FXR2: variants seen among roughly 807,000 people sequenced by gnomAD.
FXR2 encodes the protein RNA-binding protein FXR2.
In FXR2, 9 loss-of-function variants were observed where a neutral mutation model predicts 87.3. The ratio of observed to expected loss-of-function variants is 0.10; its 90% CI spans 0.06 to 0.18. FXR2 has a LOEUF of 0.18. Among genes scored for constraint, FXR2 ranks in the 10% least tolerant of loss-of-function variants. FXR2 has a pLI of 1.00. For synonymous variants in FXR2, 331 were observed against 328.3 expected, an observed-to-expected ratio of 1.01 and a Z score of -0.09; for missense variants, 661 against 893.6, an observed-to-expected ratio of 0.74 and a Z score of 3.32.
In FXR2 at chr17:7,595,702, C is replaced by T; in HGVS notation, c.831+122G>A. 1 of 702,298 alleles carries T rather than the reference C, an allele frequency of 1.4e-6. No individual in the cohort carries two copies. Among genetic ancestry groups the T allele is most frequent in the South Asian group, 1.9e-5 (1 of 52,850 alleles). 43.5% of individuals were successfully genotyped at this position (702,298 alleles called of 1,614,324 possible). ...GGCTCAAGTGATCCTCTCACTTTGA[C>T]CTCCGAAGGTGCTGGGATTACAGGT... On this transcript the variant is annotated intron_variant, in intron 8 of 16. Coordinates refer to ENST00000250113, the MANE Select transcript of FXR2 (RefSeq NM_004860.4). This position sits in a 1 kb window ranked among gnomAD's most constrained non-coding sequence, Gnocchi z 4.7.
rs1305574430 is a variant in FXR2, at chr17:7,603,994, T to C, written c.300+15A>G. ...TTGTTTCAGTAGTTCTCCAAAGGCA[T>C]TCCCAGTCACTCACATCTCCCTTCA... On this transcript the variant is annotated intron_variant, in intron 4 of 16. Transcript: ENST00000250113. 8.8e-6 allele frequency: 14 copies of C among 1,598,734 alleles called. No individual in the cohort carries two copies. Among genetic ancestry groups the C allele is most frequent in the Non-Finnish European group, 1.2e-5 (14 of 1,172,712 alleles).
chr17:7,607,947 G>A (rs957121935), intron 1 of FXR2, among the ~76,000 whole-genome samples: 2 of 151,606 alleles, frequency 1.3e-5, no homozygotes, highest in African/African-American at 4.8e-5. Context: ...CATGGGCCAC[G>A]ACCCTGGCTA....
At position 7,603,864 on chromosome 17, in the gene FXR2, A is replaced by G. The variant is rs199945316; in HGVS notation, c.342T>C (p.Asn114=). 6.3e-5 allele frequency: 101 copies of G among 1,613,798 alleles called. No homozygotes were observed. The highest frequency in any genetic ancestry group is 3.3e-5 in the Admixed American group (2 of 59,986). Residue 114 remains asparagine, a synonymous_variant, in exon 5 of 17, where the codon AAT becomes AAC. Transcript: ENST00000250113. ...IEYAACDATY[N]EIVTLERLRP... is the part of the protein sequence containing the mutation. The stretch of plus-strand genomic sequence containing the variant: ...GAAGTCGCTCCAGGGTAACAATTTC[A>G]TTGTAGGTGGCATCACAGGCAGCAT...
At chr17:7,609,981 T>TATATATCTACATGCATATGTATAC (rs2071843546) in intron 1 of FXR2, among the ~76,000 whole-genome samples, 1 of 48,542 alleles carries the variant, frequency 2.1e-5, no homozygotes, top group African/African-American at 5.1e-5. Flanking sequence ...TATGTATACA[T>TATATATCTACATGCATATGTATAC]ATATATATAC....
chr17:7,593,026 G>A lies in FXR2; in HGVS notation c.1486C>T (p.Pro496Ser). ...GAATTGTATCTCGAAGTGGGCCGGGGGGCAGGTGGGGGTCCCCTACCCCGG... is the reference window on the plus strand; with the variant it reads ...GAATTGTATCTCGAAGTGGGCCGGGAGGCAGGTGGGGGTCCCCTACCCCGG... ...GGRGRGPPPA[P>S]RPTSRYNSSS... Residue 496 changes from proline (P) to serine (S), a missense_variant, in exon 13 of 17, where the codon CCC (proline) becomes TCC (serine). Around this residue, in one of 3 missense-constraint regions of FXR2, gnomAD observed 409 missense variants for 432.0 expected, o/e 0.95. Transcript: ENST00000250113. This position sits in a 1 kb window ranked among gnomAD's most constrained non-coding sequence, Gnocchi z 6.1. 1 of 1,576,962 alleles carries A rather than the reference G, an allele frequency of 6.3e-7. No homozygotes were observed. Among genetic ancestry groups the A allele is most frequent in the Non-Finnish European group, 8.6e-7 (1 of 1,164,454 alleles).
At position 7,592,789 on chromosome 17, in the gene FXR2, C is replaced by T. The variant is rs1260884806; in HGVS notation, c.1634G>A (p.Arg545His). 1.2e-5 allele frequency: 19 copies of T among 1,613,536 alleles called. No homozygotes were observed. Among genetic ancestry groups the T allele is most frequent in the East Asian group, 6.7e-5 (3 of 44,864 alleles). Residue 545 changes from arginine (R) to histidine (H), a missense_variant, in exon 14 of 17, where the codon CGC becomes CAC. Arg to His is a conservative substitution (Grantham distance 29). Coordinates refer to ENST00000250113, the MANE Select transcript of FXR2 (RefSeq NM_004860.4). The surrounding 1 kb of genome is among the most constrained non-coding windows in gnomAD (Gnocchi z 4.8). ...AGTGCGGCGGCGGCGGGAGCGGCGGCGCCTGGCACTTGCTGGGGGGGGTTC... is the reference window on the plus strand; with the variant it reads ...AGTGCGGCGGCGGCGGGAGCGGCGGTGCCTGGCACTTGCTGGGGGGGGTTC... ...PGEPPPASAR[R>H]RRSRRRRTDE...
intron 6 of FXR2, 67 bp downstream of exon 6, chr17:7,602,842 G>C: frequency 1.3e-6 from 1 of 771,418 alleles, no homozygotes; most frequent in Non-Finnish European, 2.2e-6. Context: ...TTCTGCAAAA[G>C]GGTTAAAAAG....
At position 7,594,781 on chromosome 17, in the gene FXR2, T is replaced by C. The variant is rs1041828920; in HGVS notation, c.832-24A>G. The C allele has an allele frequency of 4.7e-6, 7 of 1,488,672 alleles. No homozygotes were observed. The highest frequency in any genetic ancestry group is 6.6e-6 in the Non-Finnish European group (7 of 1,065,814). The allele number at this position is 1,488,672 out of a possible 1,614,324, so 92.2% of individuals were successfully genotyped here. A position where few individuals can be genotyped will look rare whatever the true frequency, so the allele number is the denominator to read the frequency against. On this transcript the variant is annotated intron_variant, in intron 8 of 16. Transcript: ENST00000250113. The surrounding 1 kb of genome is among the most constrained non-coding windows in gnomAD (Gnocchi z 5.1). ...GTCTAAAGGAAGAACAGCAGGGAGT[T>C]GTTACTAAAACAGAAGACCAGCTGG...
intron 1 of FXR2, among the ~76,000 whole-genome samples, chr17:7,612,381 G>A (rs1567754838): frequency 6.6e-6 from 1 of 152,134 alleles, no homozygotes. Flanking sequence ...AGACAAATGT[G>A]CTCTATCAAA....
rs1435666270 is a variant in FXR2, at chr17:7,592,227, G to A, written c.1926+27C>T. 6 of 1,556,170 alleles carry A rather than the reference G, an allele frequency of 3.9e-6. No homozygotes were observed. In the African/African-American group the frequency reaches 4.1e-5, roughly 11 times the overall value. On this transcript the variant is annotated intron_variant, in intron 16 of 16. Transcript: ENST00000250113. This position sits in a 1 kb window ranked among gnomAD's most constrained non-coding sequence, Gnocchi z 4.8. ...CCCAGAGTAACAACAAAAAAGGGAT[G>A]GGGTAAAGCACATCTTGCCTGCCTA...
chr17:7,600,108 A>G (rs1239517759), intron 7 of FXR2, among the ~76,000 whole-genome samples: 2 of 151,540 alleles, frequency 1.3e-5, no homozygotes, highest in African/African-American at 4.9e-5. Flanking sequence ...CATGTTGGCC[A>G]GGCTGGTCTT....
In FXR2 at chr17:7,592,911, G is replaced by A; in HGVS notation, c.1529-17C>T. ...CCTTCAGCACTGGTCAGAGGAAGAA[G>A]AGGAGGAGTTGGCAGTCAGGTGCCC... On this transcript the variant is annotated splice_polypyrimidine_tract_variant and intron_variant, in intron 13 of 16. Transcript: ENST00000250113. The surrounding 1 kb of genome is among the most constrained non-coding windows in gnomAD (Gnocchi z 4.8). 1.3e-6 allele frequency: 2 copies of A among 1,556,010 alleles called. No individual in the cohort carries two copies. Among genetic ancestry groups the A allele is most frequent in the Non-Finnish European group, 1.7e-6 (2 of 1,150,992 alleles).
At chr17:7,603,104 T>C in intron 5 of FXR2, 102 bp from the exon 6 acceptor site, 1 of 645,130 alleles carries the variant, frequency 1.6e-6, no homozygotes. Flanking sequence ...CCTAGCACTT[T>C]GGGAGGCTAG....
Position 7,595,608 on chromosome 17 carries a change from C to T in FXR2, c.831+216G>A, listed in dbSNP as rs1019261275. Among the ~76,000 whole-genome samples the T allele has an allele frequency of 6.6e-6, 1 of 152,048 alleles. No individual in the cohort carries two copies. Among genetic ancestry groups the T allele is most frequent in the African/African-American group, 2.4e-5 (1 of 41,386 alleles). On this transcript the variant is annotated intron_variant, in intron 8 of 16. Coordinates refer to ENST00000250113, the MANE Select transcript of FXR2 (RefSeq NM_004860.4). This position sits in a 1 kb window ranked among gnomAD's most constrained non-coding sequence, Gnocchi z 4.7. ...CGACTACAGGTACGCACCACTACTTCCAGCTAATTTTTAAATTTTTGTAGA... is the reference window on the plus strand; with the variant it reads ...CGACTACAGGTACGCACCACTACTTTCAGCTAATTTTTAAATTTTTGTAGA...
chr17:7,593,073 C>G lies in FXR2; in HGVS notation c.1439G>C (p.Ser480Thr), dbSNP rs537808536. 3.8e-6 allele frequency: 6 copies of G among 1,591,768 alleles called. No homozygotes were observed. The African/African-American group carries it at 6.8e-5, about 18-fold the overall frequency. Residue 480 changes from serine to threonine, a missense_variant, in exon 13 of 17, where the codon AGC becomes ACC. Coordinates refer to ENST00000250113, the MANE Select transcript of FXR2 (RefSeq NM_004860.4). The surrounding 1 kb of genome is among the most constrained non-coding windows in gnomAD (Gnocchi z 6.1). ...DRDPPTRGEESRRRPTGGRGR... is the reference protein window; with the variant it reads ...DRDPPTRGEETRRRPTGGRGR... ...CCGGCCCCCAGTCGGCCGCCTCCGG[C>G]TTTCTTCCCCTCGGGTTGGGGGATC... is the stretch of plus-strand genomic sequence containing the variant.
chr17:7,592,609 A>G lies in FXR2; in HGVS notation c.1730-10T>C. The G allele has an allele frequency of 6.2e-7, 1 of 1,612,554 alleles. No homozygotes were observed. Among genetic ancestry groups the G allele is most frequent in the Non-Finnish European group, 8.5e-7 (1 of 1,179,278 alleles). ...GGTCTTGATTCATCTTCTGTAGGGT[A>G]GGAAAAAACCAGAGTCACACATCCA... On this transcript the variant is annotated splice_polypyrimidine_tract_variant and intron_variant, in intron 14 of 16. Coordinates refer to ENST00000250113, the MANE Select transcript of FXR2 (RefSeq NM_004860.4). The surrounding 1 kb of genome is among the most constrained non-coding windows in gnomAD (Gnocchi z 4.8).
chr17:7,608,438 A>AT (rs1450902618), intron 1 of FXR2, among the ~76,000 whole-genome samples: 30 of 149,504 alleles, frequency 2.0e-4, no homozygotes, highest in South Asian at 6.3e-4. Context: ...CTAAAAAAAA[A>AT]AAAAAATAAT....
At position 7,593,876 on chromosome 17, in the gene FXR2, T is replaced by A; in HGVS notation, c.1107+42A>T. ...AGCTGACCCCCACAGCAGTCTTAGT[T>A]CCCTTTTCACACCCAGCATTTTTCT... On this transcript the variant is annotated intron_variant, in intron 11 of 16. Coordinates refer to ENST00000250113, the MANE Select transcript of FXR2 (RefSeq NM_004860.4). This position sits in a 1 kb window ranked among gnomAD's most constrained non-coding sequence, Gnocchi z 6.1. 1.6e-6 allele frequency: 2 copies of A among 1,261,402 alleles called. No individual in the cohort carries two copies. The highest frequency in any genetic ancestry group is 2.3e-6 in the Non-Finnish European group (2 of 857,900). The allele number at this position is 1,261,402 out of a possible 1,614,324, so 78.1% of individuals were successfully genotyped here.
intron 1 of FXR2, among the ~76,000 whole-genome samples, chr17:7,613,617 G>A (rs2071897146): frequency 6.6e-6 from 1 of 152,168 alleles, no homozygotes; most frequent in South Asian, 2.1e-4. Flanking sequence ...GAAATCTTAA[G>A]ATAAACAGAA....
Sources: gnomAD v4.1 joint callset for allele counts (sites outside exome capture counted in the v4.1 genomes callset) on GRCh38, gnomAD v4.1.1 for gene constraint, gnomAD v4.1.1 regional missense constraint, Gnocchi (gnomAD v3.1) non-coding constraint, MANE v1.5 for transcripts, NCBI Gene and HGNC (gene_info 2026-07-23, HGNC 2026-07-21) for gene names.